The following RBM47 variants were observed in gnomAD, a reference collection of about 807,000 sequenced individuals.
The protein encoded by RBM47 is RNA binding motif protein 47, also known as RNA-binding protein 47.
Under a neutral mutation model 47.1 loss-of-function variants are expected in RBM47, and 21 were observed. That is an observed-to-expected ratio of 0.45 (90% CI 0.32 to 0.64). The LOEUF (loss-of-function observed/expected upper bound fraction) is 0.64. Among genes scored for constraint, RBM47 ranks in the 30% least tolerant of loss-of-function variants. RBM47 has a pLI of 0.05. For missense variants in RBM47, 708 were observed against 870.9 expected, an observed-to-expected ratio of 0.81 and a Z score of 2.35; for synonymous variants, 375 against 361.7, an observed-to-expected ratio of 1.04 and a Z score of -0.42.
chr4:40,557,197 T>C (rs961365187), intron 1 of RBM47, among the ~76,000 whole-genome samples: 6 of 152,120 alleles, frequency 3.9e-5, no homozygotes, highest in Admixed American at 1.3e-4. Context: ...TCAGTTCAAA[T>C]GTCAATTCCT....
Position 40,432,796 on chromosome 4 carries a change from T to C in RBM47, c.1397A>G (p.Glu466Gly). The change falls in exon 6 of 7, where the codon GAA becomes GGA. Residue 466 changes from glutamate to glycine, a missense_variant. By Grantham distance (98) the Glu-to-Gly change is moderately conservative (BLOSUM62 -2). Transcript: ENST00000295971. ...FPAAPAPKMI[E>G]DGKIHTVEHM... ...CTCCACTGTGTGGATTTTGCCATCT[T>C]CAATCATTTTAGGGGCTGGAGCTGC... 6.2e-7 allele frequency: 1 copy of C among 1,614,016 alleles called. No individual in the cohort carries two copies. The highest frequency in any genetic ancestry group is 8.5e-7 in the Non-Finnish European group (1 of 1,180,012).
chr4:40,608,657 A>G (rs1735974816), intron 1 of RBM47, among the ~76,000 whole-genome samples: 1 of 152,218 alleles, frequency 6.6e-6, no homozygotes, highest in African/African-American at 2.4e-5. Context: ...ATGATGCTGG[A>G]CAAACTGCAA....
intron 1 of RBM47, among the ~76,000 whole-genome samples, chr4:40,597,458 TG>T (rs1205082418): frequency 6.6e-6 from 1 of 150,766 alleles, no homozygotes; most frequent in Non-Finnish European, 1.5e-5. Context: ...TAGCCAGGCC[TG>T]TAATCCCAGC....
At chr4:40,529,553 G>T (rs1472139728) in intron 2 of RBM47, among the ~76,000 whole-genome samples, 3 of 135,726 alleles carry the variant, frequency 2.2e-5, no homozygotes, top group Non-Finnish European at 4.7e-5. Flanking sequence ...AGCATCTAAG[G>T]CGGGGCATGG....
chr4:40,605,552 CG>C (rs1735684848), intron 1 of RBM47, among the ~76,000 whole-genome samples: 1 of 151,916 alleles, frequency 6.6e-6, no homozygotes, highest in Non-Finnish European at 1.5e-5. Context: ...GGTCTTCGGC[CG>C]GGCACGGTGG....
chr4:40,578,647 A>G (rs995720993), intron 1 of RBM47, among the ~76,000 whole-genome samples: 10 of 151,804 alleles, frequency 6.6e-5, no homozygotes, highest in African/African-American at 2.4e-4. Flanking sequence ...CTTTTCTATC[A>G]TTTTCTCTTC....
chr4:40,615,601 T>G (rs1387552747), intron 1 of RBM47, among the ~76,000 whole-genome samples: 1 of 152,024 alleles, frequency 6.6e-6, no homozygotes, highest in Admixed American at 6.6e-5. Context: ...GCTAACATGG[T>G]GAAACCCCAT....
chr4:40,608,490 C>G (rs548311137), intron 1 of RBM47, among the ~76,000 whole-genome samples: 6 of 152,322 alleles, frequency 3.9e-5, no homozygotes, highest in Non-Finnish European at 7.4e-5. Flanking sequence ...AATTACCAAC[C>G]TGGTAGCAAA....
chr4:40,519,875 G>A (rs1460642627), intron 2 of RBM47, among the ~76,000 whole-genome samples: 1 of 151,544 alleles, frequency 6.6e-6, no homozygotes, highest in Non-Finnish European at 1.5e-5. Context: ...TCACCATGTT[G>A]GCCAGGATGG....
chr4:40,516,265 T>C (rs111913840), intron 2 of RBM47, among the ~76,000 whole-genome samples: 10 of 112,812 alleles, frequency 8.9e-5, no homozygotes, highest in African/African-American at 1.6e-4. Flanking sequence ...TTCTTTCTTT[T>C]TTTTTTTTTT....
chr4:40,602,930 C>T (rs776570622), intron 1 of RBM47, among the ~76,000 whole-genome samples: 76 of 152,058 alleles, frequency 5.0e-4, no homozygotes, highest in Non-Finnish European at 9.4e-4. Context: ...TCCACCATGC[C>T]TGTAATCCCA....
At chr4:40,501,453 G>A (rs373603666) in intron 2 of RBM47, among the ~76,000 whole-genome samples, 16 of 152,320 alleles carry the variant, frequency 1.1e-4, no homozygotes, top group African/African-American at 3.8e-4. Context: ...CTAGGCCAGT[G>A]CCATCCAACA....
chr4:40,525,026 A>G (rs939915108), intron 2 of RBM47, among the ~76,000 whole-genome samples: 2 of 152,200 alleles, frequency 1.3e-5, no homozygotes, highest in African/African-American at 4.8e-5. Flanking sequence ...ATGATCCAGT[A>G]TGGGGGTAAG....
chr4:40,487,127 G>C (rs1185188242), intron 2 of RBM47, among the ~76,000 whole-genome samples: 3 of 152,096 alleles, frequency 2.0e-5, no homozygotes, highest in African/African-American at 7.2e-5. Context: ...GATGGTCAAG[G>C]GTCATCTGTT....
chr4:40,603,423 T>C (rs1201398807), intron 1 of RBM47, among the ~76,000 whole-genome samples: 1 of 152,200 alleles, frequency 6.6e-6, no homozygotes, highest in African/African-American at 2.4e-5. Context: ...GTTAAACTTT[T>C]CCTTTGGTGA....
intron 6 of RBM47, 188 bp from the exon 7 acceptor site, chr4:40,426,331 G>C: frequency 1.4e-6 from 1 of 716,152 alleles, no homozygotes; most frequent in East Asian, 2.8e-5. Context: ...AGGTAAGGTG[G>C]AGCTGCATCC....
chr4:40,440,439 T>C (rs1254437127), intron 3 of RBM47, among the ~76,000 whole-genome samples: 1 of 152,176 alleles, frequency 6.6e-6, no homozygotes, highest in East Asian at 1.9e-4. Context: ...GAACCCGGAG[T>C]ATCATTCATT....
chr4:40,527,307 G>A (rs1159239796), intron 2 of RBM47, among the ~76,000 whole-genome samples: 1 of 146,338 alleles, frequency 6.8e-6, no homozygotes, highest in Non-Finnish European at 1.5e-5. Context: ...TTTTTTTTAA[G>A]ACGGAATCTA....
chr4:40,444,417 A>T (rs1208379831), intron 3 of RBM47, among the ~76,000 whole-genome samples: 1 of 146,136 alleles, frequency 6.8e-6, no homozygotes, highest in African/African-American at 2.5e-5. Flanking sequence ...ACACAACCCT[A>T]TCCTTAAAAA....
Sources: allele counts gnomAD v4.1 joint callset (sites outside exome capture counted in the v4.1 genomes callset), GRCh38; gene constraint gnomAD v4.1.1; transcripts MANE v1.5; gene names NCBI Gene and HGNC (gene_info 2026-07-23, HGNC 2026-07-21).